SPAG8: variants seen among roughly 807,000 people sequenced by gnomAD.
SPAG8 encodes the protein sperm-associated antigen 8.
A neutral mutation model predicts 45.3 loss-of-function variants in SPAG8; 36 were observed. The observed-to-expected ratio is 0.80, with a 90% CI of 0.61 to 1.05. The LOEUF is 1.05. SPAG8 is among the 50% of genes least tolerant of loss of function. The pLI, the probability that SPAG8 is intolerant of heterozygous loss-of-function variation, is 0.00. For synonymous variants in SPAG8, 227 were observed against 232.6 expected, an observed-to-expected ratio of 0.98 and a Z score of 0.22; for missense variants, 573 against 609.2, an observed-to-expected ratio of 0.94 and a Z score of 0.63.
chr9:35,810,719 G>A, intron 3 of SPAG8, 37 bp from the exon 4 acceptor site: 1 of 1,613,368 alleles, frequency 6.2e-7, no homozygotes, highest in Non-Finnish European at 8.5e-7. Context: ...GGTGGGGTCT[G>A]GTTAAGAAGG....
Position 35,811,513 on chromosome 9 carries a change from C to A in SPAG8, c.533G>T (p.Gly178Val). The A allele has an allele frequency of 1.2e-6, 2 of 1,605,690 alleles. No homozygotes were observed. Among genetic ancestry groups the A allele is most frequent in the Non-Finnish European group, 1.7e-6 (2 of 1,175,364 alleles). The change falls in exon 2 of 7, where the codon GGC becomes GTC. Residue 178 changes from glycine to valine, a missense_variant. Gly to Val is a moderately radical substitution (Grantham distance 109). Transcript: ENST00000396638. The part of the protein sequence containing the change: ...VPGSGSGPGP[G>V]SGPGSGPGHG... ...ACCAGGACCAGAGCCAGGACCAGAG[C>A]CAGGACCAGGACCAGAGCCAGAGCC...
chr9:35,808,047 T>C, downstream of SPAG8: 2 of 729,482 alleles, frequency 2.7e-6, no homozygotes, highest in South Asian at 1.7e-5. The surrounding 1 kb of genome is among the most constrained non-coding windows in gnomAD (Gnocchi z 4.0). Context: ...ACTGTGTATT[T>C]CCTTAAAACA....
At position 35,812,038 on chromosome 9, in the gene SPAG8, G is replaced by A. The variant is rs369312953; in HGVS notation, c.45-37C>T. 3.1e-6 allele frequency: 5 copies of A among 1,608,498 alleles called. No homozygotes were observed. The African/African-American group carries it at 6.7e-5, about 22-fold the overall frequency. On this transcript the variant is annotated intron_variant, in intron 1 of 6. Coordinates refer to ENST00000396638, the MANE Select transcript of SPAG8 (RefSeq NM_001039592.2). Reference sequence around the variant, plus strand: ...CAAACACGACATGGCTGTCAAAAGCGCAGCAGAGGAAGTCAGCTGACCTTC... The same window carrying A: ...CAAACACGACATGGCTGTCAAAAGCACAGCAGAGGAAGTCAGCTGACCTTC...
Position 35,810,293 on chromosome 9 carries a change from T to G in SPAG8, c.1217A>C (p.Gln406Pro), listed in dbSNP as rs757959745. The G allele has an allele frequency of 1.9e-6, 3 of 1,614,168 alleles. No homozygotes were observed. The highest frequency in any genetic ancestry group is 2.2e-5 in the South Asian group (2 of 91,092). Reference protein sequence around the residue: ...PAPTKPHDYRQEQPETFWIQR... With the variant: ...PAPTKPHDYRPEQPETFWIQR... Reference sequence around the variant, plus strand: ...TATCCAGAAGGTCTCAGGTTGCTCCTGGCGGTAGTCGTGAGGCTGTGAGGG... The same window carrying G: ...TATCCAGAAGGTCTCAGGTTGCTCCGGGCGGTAGTCGTGAGGCTGTGAGGG... The change falls in exon 6 of 7, where the codon CAG becomes CCG. Residue 406 changes from glutamine (Q) to proline (P), a missense_variant. By Grantham distance (76) the Gln-to-Pro change is moderately conservative. Coordinates refer to ENST00000396638, the MANE Select transcript of SPAG8 (RefSeq NM_001039592.2).
chr9:35,809,567 A>G, downstream of SPAG8: 2 of 1,525,068 alleles, frequency 1.3e-6, no homozygotes, highest in South Asian at 2.2e-5. The surrounding 1 kb of genome is among the most constrained non-coding windows in gnomAD (Gnocchi z 4.1). Flanking sequence ...GCCACAAAAA[A>G]ACCTACCTTA....
chr9:35,810,729 G>A lies in SPAG8; in HGVS notation c.1040-47C>T, dbSNP rs79458387. ...GGCAAGGTGGGGTCTGGTTAAGAAG[G>A]AGGCCCAGAAGAAACTAACTTGAGA... is the stretch of plus-strand genomic sequence containing the variant. On this transcript the variant is annotated intron_variant, in intron 3 of 6. Transcript: ENST00000396638. 7,057 of 1,612,290 alleles carry A rather than the reference G, an allele frequency of 4.4e-3. 257 individuals carry two copies. The African/African-American group carries it at 0.084, about 19-fold the overall frequency.
At position 35,811,292 on chromosome 9, in the gene SPAG8, C is replaced by A. The variant is rs1422095472; in HGVS notation, c.754G>T (p.Glu252Ter). 1 of 1,614,160 alleles carries A rather than the reference C, an allele frequency of 6.2e-7. No individual in the cohort carries two copies. The highest frequency in any genetic ancestry group is 8.5e-7 in the Non-Finnish European group (1 of 1,180,004). The part of the protein sequence containing the change: ...QPPWEFLQVL[E>*]PGARGLWKPP... ...TTCCATAGTCCTCGGGCACCCGGTT[C>A]TAAGACTTGCAAAAATTCCCAAGGT... Residue 252 changes from glutamate (E) to a stop codon, truncating the protein, a stop_gained, in exon 2 of 7, where the codon GAA becomes TAA. Transcript: ENST00000396638. LOFTEE classifies it high-confidence loss of function.
chr9:35,810,564 C>T lies in SPAG8; in HGVS notation c.1086-11G>A, dbSNP rs749100025. 3.5e-5 allele frequency: 56 copies of T among 1,613,896 alleles called. No individual in the cohort carries two copies. In the South Asian group the frequency reaches 4.2e-4, roughly 12 times the overall value. ...GCCTGCACCTCTTTACTATGTAGCC[C>T]GAGGGGTGTCAAGGCCATTCTCACC... On this transcript the variant is annotated splice_polypyrimidine_tract_variant and intron_variant, in intron 4 of 6. Transcript: ENST00000396638.
In SPAG8 at chr9:35,811,962, G is replaced by T; in HGVS notation, c.84C>A (p.Pro28=). ...CTGAAGAAGGAAACGGTTCCGAAGT[G>T]GGCCCCAGTCCTTCGGAGCTGGGCT... The part of the protein sequence containing the change: ...DIQPSSEGLG[P]TSEPFPSSDD... The change falls in exon 2 of 7, where the codon CCC becomes CCA. Residue 28 remains proline, a synonymous_variant. Transcript: ENST00000396638. 1 of 1,600,228 alleles carries T rather than the reference G, an allele frequency of 6.2e-7. No homozygotes were observed. Among genetic ancestry groups the T allele is most frequent in the Non-Finnish European group, 8.5e-7 (1 of 1,170,298 alleles).
downstream of SPAG8, chr9:35,809,184 C>G (rs934660300): frequency 1.9e-6 from 3 of 1,613,880 alleles, no homozygotes; most frequent in African/African-American, 2.7e-5. This position sits in a 1 kb window ranked among gnomAD's most constrained non-coding sequence, Gnocchi z 4.1. Context: ...CCTCTACCAC[C>G]AAGGATGCCC....
chr9:35,807,902 T>C (rs1828493772), downstream of SPAG8: 3 of 468,354 alleles, frequency 6.4e-6, no homozygotes, highest in Non-Finnish European at 1.1e-5. Flanking sequence ...TGAGCCTCAG[T>C]TGTTTTATCT....
Position 35,811,230 on chromosome 9 carries a change from A to G in SPAG8, c.816T>C (p.Tyr272=). The G allele has an allele frequency of 6.3e-7, 1 of 1,597,160 alleles. No homozygotes were observed. The highest frequency in any genetic ancestry group is 8.5e-7 in the Non-Finnish European group (1 of 1,170,112). ...PDIKGKLMVC[Y]ETLPRGQCLL... The stretch of plus-strand genomic sequence containing the variant: ...GGCACTGGCCCCGCGGCAAAGTTTC[A>G]TAGCAAACCATAAGCTTCCCTTTAA... Residue 272 remains tyrosine (Y), a synonymous_variant, in exon 2 of 7, where the codon TAT becomes TAC. Coordinates refer to ENST00000396638, the MANE Select transcript of SPAG8 (RefSeq NM_001039592.2).
chr9:35,810,213 G>T, intron 6 of SPAG8, 34 bp downstream of exon 6: 1 of 1,612,714 alleles, frequency 6.2e-7, no homozygotes. Context: ...TTCCTGCCCC[G>T]CTCTGCCCCC....
chr9:35,809,200 G>A (rs771955209), downstream of SPAG8: 14 of 1,613,902 alleles, frequency 8.7e-6, no homozygotes, highest in Non-Finnish European at 1.2e-5. This position sits in a 1 kb window ranked among gnomAD's most constrained non-coding sequence, Gnocchi z 4.1. Context: ...TGCCCTAGAT[G>A]AGCTAGGATG....
chr9:35,808,404 A>G, downstream of SPAG8: 1 of 1,422,088 alleles, frequency 7.0e-7, no homozygotes, highest in Non-Finnish European at 9.9e-7. This position sits in a 1 kb window ranked among gnomAD's most constrained non-coding sequence, Gnocchi z 4.0. Context: ...TCTGGTCTCC[A>G]GCATGTCAGG....
At chr9:35,808,622 T>C (rs1309029172), downstream of SPAG8, 1 of 1,614,088 alleles carries the variant, frequency 6.2e-7, no homozygotes, top group East Asian at 2.2e-5. This position sits in a 1 kb window ranked among gnomAD's most constrained non-coding sequence, Gnocchi z 4.0. Context: ...ATGCAGTTTC[T>C]TCCTTTCGCA....
downstream of SPAG8, chr9:35,809,319 A>G: frequency 6.2e-7 from 1 of 1,611,378 alleles, no homozygotes; most frequent in African/African-American, 1.3e-5. The surrounding 1 kb of genome is among the most constrained non-coding windows in gnomAD (Gnocchi z 4.1). Context: ...ATAGGGAAAG[A>G]GAGGGAGACA....
At chr9:35,808,194 A>C (rs779630967), downstream of SPAG8, 27 of 1,613,840 alleles carry the variant, frequency 1.7e-5, no homozygotes, top group Non-Finnish European at 8.5e-7. The surrounding 1 kb of genome is among the most constrained non-coding windows in gnomAD (Gnocchi z 4.0). Context: ...TGTCCTCTTG[A>C]GTTACCGTTT....
At chr9:35,808,048 C>A, downstream of SPAG8, 8 of 736,768 alleles carry the variant, frequency 1.1e-5, no homozygotes, top group South Asian at 1.2e-4. The surrounding 1 kb of genome is among the most constrained non-coding windows in gnomAD (Gnocchi z 4.0). Flanking sequence ...CTGTGTATTT[C>A]CTTAAAACAA....
Sources: gnomAD v4.1 joint callset for allele counts on GRCh38, gnomAD v4.1.1 for gene constraint, Gnocchi (gnomAD v3.1) non-coding constraint, MANE v1.5 for transcripts, NCBI Gene and HGNC (gene_info 2026-07-23, HGNC 2026-07-21) for gene names.